The following PPP2R2C variants were observed in gnomAD, a reference collection of about 807,000 sequenced individuals.
PPP2R2C encodes protein phosphatase 2, regulatory subunit B, gamma.
A neutral mutation model predicts 45.3 loss-of-function variants in PPP2R2C; 10 were observed. The ratio of observed to expected loss-of-function variants is 0.22; its 90% CI spans 0.14 to 0.37. The LOEUF is 0.37. Among genes scored for constraint, PPP2R2C ranks in the 10% least tolerant of loss-of-function variants. PPP2R2C has a pLI of 1.00. For missense variants in PPP2R2C, 308 were observed against 619.7 expected (o/e 0.50, Z 5.34); for synonymous variants, 257 against 245.4 (o/e 1.05, Z -0.44).
In PPP2R2C at chr4:6,447,749, G is replaced by A. The variant is rs537913429; in HGVS notation, c.70+24411C>T. On this transcript the variant is annotated intron_variant, in intron 1 of 8. Transcript: ENST00000382599. ...TGGGGTCAAAGTCAGGGTCTACCTC[G>A]TAGGAACAGCGTGACCTGCACAAGC... 5.3e-5 allele frequency among the ~76,000 whole-genome samples: 8 copies of A among 152,170 alleles called. No homozygotes were observed. In the South Asian group the frequency reaches 1.0e-3, roughly 20 times the overall value.
Position 6,448,698 on chromosome 4 carries a change from C to T in PPP2R2C, c.70+23462G>A, listed in dbSNP as rs113249156. ...CCCAGGGAGGTGAGGCCTCAGAAGC[C>T]CAGGGACATTCCCCGGGCCAAGGAC... On this transcript the variant is annotated intron_variant, in intron 1 of 8. Transcript: ENST00000382599. Among the ~76,000 whole-genome samples the T allele has an allele frequency of 8.6e-3, 1,304 of 152,218 alleles. 13 individuals are homozygous for T. The highest frequency in any genetic ancestry group is 0.029 in the African/African-American group (1,218 of 41,526).
chr4:6,546,681 G>T (rs143631499), intron 1 of PPP2R2C, among the ~76,000 whole-genome samples: 354 of 152,338 alleles, frequency 2.3e-3, no homozygotes, highest in Middle Eastern at 0.017. Flanking sequence ...AGACCCAAAG[G>T]TGTGTTCGTT....
At chr4:6,355,392 T>A (rs1376838596) in intron 5 of PPP2R2C, among the ~76,000 whole-genome samples, 1 of 152,012 alleles carries the variant, frequency 6.6e-6, no homozygotes, top group African/African-American at 2.4e-5. Flanking sequence ...CGGGGAGGGA[T>A]AGCATTGGGA....
At chr4:6,425,887 G>A (rs529731294) in intron 1 of PPP2R2C, among the ~76,000 whole-genome samples, 3 of 152,118 alleles carry the variant, frequency 2.0e-5, no homozygotes, top group African/African-American at 7.2e-5. Context: ...TGGTGTGTAT[G>A]TGGTGTATGT....
chr4:6,410,727 C>G (rs963036643), intron 1 of PPP2R2C, among the ~76,000 whole-genome samples: 2 of 152,078 alleles, frequency 1.3e-5, no homozygotes, highest in Admixed American at 6.5e-5. Flanking sequence ...CCCCAGTGAG[C>G]CTGGCCAGGT....
intron 5 of PPP2R2C, among the ~76,000 whole-genome samples, chr4:6,354,604 G>A (rs1450960309): frequency 6.6e-6 from 1 of 151,958 alleles, no homozygotes; most frequent in East Asian, 1.9e-4. Context: ...CCTTTCCCTG[G>A]GAACAGCCCT....
At chr4:6,458,249 C>T (rs1721144753) in intron 1 of PPP2R2C, among the ~76,000 whole-genome samples, 1 of 152,212 alleles carries the variant, frequency 6.6e-6, no homozygotes, top group African/African-American at 2.4e-5. Context: ...CTGGGAGTGG[C>T]TTAGTCTGTT....
chr4:6,323,603 G>A lies in PPP2R2C; in HGVS notation c.1053-10C>T. 7 of 1,540,946 alleles carry A rather than the reference G, an allele frequency of 4.5e-6. No homozygotes were observed. In the African/African-American group the frequency reaches 9.5e-5, roughly 21 times the overall value. ...CCCGGTCATGATGACGCTGGTGGGA[G>A]AAGGAGAGGCATCAGGTGAGGAGGA... On this transcript the variant is annotated splice_polypyrimidine_tract_variant and intron_variant, in intron 8 of 8. Coordinates refer to ENST00000382599, the MANE Select transcript of PPP2R2C (RefSeq NM_020416.4).
intron 8 of PPP2R2C, among the ~76,000 whole-genome samples, chr4:6,325,492 C>G (rs1731869497): frequency 6.6e-6 from 1 of 152,154 alleles, no homozygotes; most frequent in South Asian, 2.1e-4. Context: ...GGGAGGCAGC[C>G]CCCTTTGTTC....
chr4:6,476,812 A>G (rs1722161971), upstream of PPP2R2C, among the ~76,000 whole-genome samples: 1 of 152,166 alleles, frequency 6.6e-6, no homozygotes, highest in African/African-American at 2.4e-5. Context: ...ATATATATGT[A>G]ACTGTAATTT....
At chr4:6,426,769 C>T (rs1212713048) in intron 1 of PPP2R2C, among the ~76,000 whole-genome samples, 1 of 152,180 alleles carries the variant, frequency 6.6e-6, no homozygotes, top group Non-Finnish European at 1.5e-5. Context: ...CCTCCATCCA[C>T]TTCAGACACC....
intron 1 of PPP2R2C, among the ~76,000 whole-genome samples, chr4:6,552,044 C>T (rs1164002302): frequency 6.6e-6 from 1 of 152,150 alleles, no homozygotes; most frequent in Non-Finnish European, 1.5e-5. Context: ...AGCAAAGGAC[C>T]AGCAAAGACA....
At chr4:6,520,280 C>T (rs1021276638) in intron 2 of PPP2R2C, among the ~76,000 whole-genome samples, 1 of 152,110 alleles carries the variant, frequency 6.6e-6, no homozygotes, top group Non-Finnish European at 1.5e-5. Context: ...GGCTCCGGCC[C>T]GGGCTGGGCT....
intron 2 of PPP2R2C, among the ~76,000 whole-genome samples, chr4:6,478,550 G>A (rs1222551734): frequency 3.9e-5 from 6 of 152,190 alleles, no homozygotes; most frequent in African/African-American, 1.4e-4. Flanking sequence ...CTGAGTGAGT[G>A]AGAAACACGC....
intron 1 of PPP2R2C, among the ~76,000 whole-genome samples, chr4:6,561,873 CAG>C (rs1249989547): frequency 9.9e-5 from 15 of 152,214 alleles, no homozygotes; most frequent in Non-Finnish European, 2.2e-4. Context: ...TTCTGAAAAG[CAG>C]AGAAAGGCCA....
chr4:6,543,360 C>T (rs1406438543), intron 1 of PPP2R2C, among the ~76,000 whole-genome samples: 1 of 152,156 alleles, frequency 6.6e-6, no homozygotes, highest in East Asian at 1.9e-4. Context: ...GCCTCTGCCT[C>T]CTATGGGCCA....
At chr4:6,555,092 C>T (rs1261472038) in intron 1 of PPP2R2C, among the ~76,000 whole-genome samples, 2 of 152,118 alleles carry the variant, frequency 1.3e-5, no homozygotes, top group East Asian at 3.9e-4. Flanking sequence ...CTGACAAGGG[C>T]TCTGTGCTTC....
intron 1 of PPP2R2C, among the ~76,000 whole-genome samples, chr4:6,402,136 C>T (rs1717457297): frequency 6.6e-6 from 1 of 152,170 alleles, no homozygotes; most frequent in Non-Finnish European, 1.5e-5. Context: ...CTGTTCATCG[C>T]CTTGAATCCA....
At chr4:6,533,634 T>C (rs1479697739) in intron 2 of PPP2R2C, among the ~76,000 whole-genome samples, 12 of 152,204 alleles carry the variant, frequency 7.9e-5, no homozygotes, top group African/African-American at 2.4e-5. Context: ...GCAGTTGACA[T>C]TGCCGTCCAA....
Sources: gnomAD v4.1 joint callset for allele counts (sites outside exome capture counted in the v4.1 genomes callset) on GRCh38, gnomAD v4.1.1 for gene constraint, MANE v1.5 for transcripts, NCBI Gene and HGNC (gene_info 2026-07-23, HGNC 2026-07-21) for gene names.